GPAT2: variants seen among roughly 807,000 people sequenced by gnomAD.
The protein encoded by GPAT2 is 1-acylglycerol-3-phosphate O-acyltransferase GPAT2.
Under a neutral mutation model 71.0 loss-of-function variants are expected in GPAT2, and 51 were observed. The observed-to-expected ratio is 0.72, with a 90% CI of 0.57 to 0.91. GPAT2 has a LOEUF of 0.91. GPAT2 is among the 40% of genes least tolerant of loss of function. The pLI, the probability that GPAT2 is intolerant of heterozygous loss-of-function variation, is 0.00. For missense variants in GPAT2, 511 were observed against 666.0 expected (o/e 0.77, Z 2.56); for synonymous variants, 222 against 290.3 (o/e 0.76, Z 2.39).
chr2:96,022,061 G>A lies in GPAT2; in HGVS notation c.*98C>T, dbSNP rs181750299. 834 of 1,502,990 alleles carry A rather than the reference G, an allele frequency of 5.5e-4. 4 individuals carry two copies. In the African/African-American group the frequency reaches 0.011, roughly 20 times the overall value. 93.1% of individuals were successfully genotyped at this position (1,502,990 alleles called of 1,614,324 possible). ...AAGCCTCAATGATTATATTTATAGA[G>A]CAGCTAAGGGTTTGCAGCCTCCTCT... is the stretch of plus-strand genomic sequence containing the variant. On this transcript the variant is annotated 3_prime_UTR_variant, in exon 22 of 22. Transcript: ENST00000434632.
At position 96,024,656 on chromosome 2, in the gene GPAT2, C is replaced by A. The variant is rs559426994; in HGVS notation, c.1458G>T (p.Glu486Asp). The A allele has an allele frequency of 6.2e-7, 1 of 1,613,922 alleles. No individual in the cohort carries two copies. The highest frequency in any genetic ancestry group is 1.1e-5 in the South Asian group (1 of 91,082). ...KGVFLSQLLGEFSWLTEEILL... is the reference protein window; with the variant it reads ...KGVFLSQLLGDFSWLTEEILL... ...GTATCTCCTCCGTCAGCCAGGAGAA[C>A]TCCCCCAGGAGCTGCGACAGGAACA... Residue 486 changes from glutamate (E) to aspartate (D), a missense_variant, in exon 15 of 22, where the codon GAG (glutamate) becomes GAT (aspartate). Glu to Asp is a conservative substitution (Grantham distance 45). Around this residue, in one of 7 missense-constraint regions of GPAT2, gnomAD observed 295 missense variants for 305.5 expected, o/e 0.97. Transcript: ENST00000434632.
Position 96,023,144 on chromosome 2 carries a change from G to T in GPAT2, c.2129C>A (p.Ala710Asp). 6.2e-7 allele frequency: 1 copy of T among 1,609,074 alleles called. No individual in the cohort carries two copies. Among genetic ancestry groups the T allele is most frequent in the Non-Finnish European group, 8.5e-7 (1 of 1,177,370 alleles). The change falls in exon 19 of 22, where the codon GCT becomes GAT. Residue 710 changes from alanine (A) to aspartate (D), a missense_variant. This residue lies in a region of GPAT2 where 108 missense variants were observed against 117.6 expected (regional missense o/e 0.92). Coordinates refer to ENST00000434632, the MANE Select transcript of GPAT2 (RefSeq NM_001321527.2). Reference protein sequence around the residue: ...LSPLLKAFAQAAAFLRQGQLP... With the variant: ...LSPLLKAFAQDAAFLRQGQLP... The stretch of plus-strand genomic sequence containing the variant: ...CTGGCCCTGGCGGAGGAAGGCGGCA[G>T]CCTGTGCAAAGGCCTTGAGCAGCGG...
At chr2:96,023,837 G>A in intron 17 of GPAT2, 86 bp downstream of exon 17, 5 of 1,531,386 alleles carry the variant, frequency 3.3e-6, no homozygotes, top group Non-Finnish European at 3.5e-6. Context: ...GGCAGAGGAG[G>A]AGCCTGGGGC....
At chr2:96,025,327 G>A (rs1680277650) in intron 13 of GPAT2, 158 bp downstream of exon 13, 1 of 1,015,438 alleles carries the variant, frequency 9.8e-7, no homozygotes, top group African/African-American at 1.6e-5. Flanking sequence ...TGCTCCTCCT[G>A]TAGGAGAAGG....
Position 96,024,524 on chromosome 2 carries a change from A to C in GPAT2, c.1590T>G (p.Gly530=). 6.2e-7 allele frequency: 1 copy of C among 1,613,850 alleles called. No individual in the cohort carries two copies. Among genetic ancestry groups the C allele is most frequent in the Non-Finnish European group, 8.5e-7 (1 of 1,179,954 alleles). ...AHVALLRIRQ[G]DLLVVPQPGP... is the part of the protein sequence containing the mutation. ...CAGGCTGCGGCACCACCAGCAAGTCACCCTGACGGATGCGCAGCAGGGCCA... is the reference window on the plus strand; with the variant it reads ...CAGGCTGCGGCACCACCAGCAAGTCCCCCTGACGGATGCGCAGCAGGGCCA... The change falls in exon 15 of 22, where the codon GGT becomes GGG. Residue 530 remains glycine, a synonymous_variant. Coordinates refer to ENST00000434632, the MANE Select transcript of GPAT2 (RefSeq NM_001321527.2).
chr2:96,025,902 C>A (rs776364233), intron 12 of GPAT2, 28 bp downstream of exon 12: 1 of 1,608,156 alleles, frequency 6.2e-7, no homozygotes, highest in East Asian at 2.2e-5. Context: ...GCCTTGCCCC[C>A]TGAGACCCCA....
chr2:96,024,987 C>T (rs1238022406), intron 13 of GPAT2, 144 bp from the exon 14 acceptor site: 1 of 950,300 alleles, frequency 1.1e-6, no homozygotes, highest in African/African-American at 1.6e-5. Flanking sequence ...TGGTGTTTAT[C>T]ATCACACAGG....
intron 10 of GPAT2, 121 bp downstream of exon 10, chr2:96,026,576 A>G (rs1680436645): frequency 1.7e-5 from 3 of 179,284 alleles, no homozygotes; most frequent in African/African-American, 1.1e-4. Flanking sequence ...TGTAAGGACG[A>G]TTCCTTTGTG....
chr2:96,025,627 G>A, intron 12 of GPAT2, 24 bp from the exon 13 acceptor site: 2 of 1,528,550 alleles, frequency 1.3e-6, no homozygotes, highest in Non-Finnish European at 1.8e-6. Flanking sequence ...ACAGATTACA[G>A]GATGAAGGGT....
chr2:96,033,990 T>C (rs1680850879), intron 1 of GPAT2, among the ~76,000 whole-genome samples: 1 of 151,662 alleles, frequency 6.6e-6, no homozygotes, highest in African/African-American at 2.4e-5. Context: ...TATATACATA[T>C]ATAATACATA....
rs186661249 is a variant in GPAT2, at chr2:96,024,697, G to C, written c.1429-12C>G. The C allele has an allele frequency of 1.9e-6, 3 of 1,613,622 alleles. No individual in the cohort carries two copies. The highest frequency in any genetic ancestry group is 2.5e-6 in the Non-Finnish European group (3 of 1,179,876). On this transcript the variant is annotated splice_polypyrimidine_tract_variant and intron_variant, in intron 14 of 21. Transcript: ENST00000434632. ...GACAGGAACACACCCTGGGTGGGCA[G>C]AGCAGGGCTAGGCAGCAGGGCCACA...
Position 96,024,478 on chromosome 2 carries a change from C to T in GPAT2, c.1636G>A (p.Ala546Thr), listed in dbSNP as rs754360226. The T allele has an allele frequency of 1.2e-6, 2 of 1,614,024 alleles. No individual in the cohort carries two copies. The highest frequency in any genetic ancestry group is 1.7e-6 in the Non-Finnish European group (2 of 1,179,972). ...GGCAGCAGCTCAGCACTCAGTTGTG[C>T]CAGGTGTGTGAGGCCTGGGCCAGGC... ...PQPGPGLTHL[A>T]QLSAELLPVF... Residue 546 changes from alanine to threonine, a missense_variant, in exon 15 of 22, where the codon GCA becomes ACA. Coordinates refer to ENST00000434632, the MANE Select transcript of GPAT2 (RefSeq NM_001321527.2).
At chr2:96,025,665 C>A in intron 12 of GPAT2, 62 bp from the exon 13 acceptor site, 3 of 1,334,714 alleles carry the variant, frequency 2.2e-6, no homozygotes, top group Non-Finnish European at 3.1e-6. Flanking sequence ...TGTGGGAATG[C>A]CTAGAGCTTT....
intron 11 of GPAT2, 50 bp downstream of exon 11, chr2:96,026,133 C>G: frequency 6.3e-7 from 1 of 1,580,272 alleles, no homozygotes; most frequent in South Asian, 1.2e-5. Context: ...GCCAGGATGC[C>G]TAGGACAGAC....
At position 96,025,917 on chromosome 2, in the gene GPAT2, C is replaced by A; in HGVS notation, c.1238+13G>T. The stretch of plus-strand genomic sequence containing the variant: ...GCCTTGCCCCCTGAGACCCCACGCT[C>A]CTGTGCCCCTACCATTGGCCCAGCA... On this transcript the variant is annotated intron_variant, in intron 12 of 21. Transcript: ENST00000434632. The A allele has an allele frequency of 6.2e-7, 1 of 1,611,596 alleles. No individual in the cohort carries two copies. Among genetic ancestry groups the A allele is most frequent in the Non-Finnish European group, 8.5e-7 (1 of 1,179,392 alleles).
intron 17 of GPAT2, 61 bp from the exon 18 acceptor site, chr2:96,023,501 A>C (rs1318330494): frequency 2.6e-5 from 41 of 1,573,472 alleles, no homozygotes; most frequent in Non-Finnish European, 4.4e-6. Context: ...CTACACCCCC[A>C]GACCAGGTAC....
Position 96,022,070 on chromosome 2 carries a change from G to A in GPAT2, c.*89C>T, listed in dbSNP as rs1033347844. ...TGATTATATTTATAGAGCAGCTAAGGGTTTGCAGCCTCCTCTCCATCTTCT... is the reference window on the plus strand; with the variant it reads ...TGATTATATTTATAGAGCAGCTAAGAGTTTGCAGCCTCCTCTCCATCTTCT... On this transcript the variant is annotated 3_prime_UTR_variant, in exon 22 of 22. Coordinates refer to ENST00000434632, the MANE Select transcript of GPAT2 (RefSeq NM_001321527.2). 3.3e-6 allele frequency: 5 copies of A among 1,528,080 alleles called. No individual in the cohort carries two copies. The highest frequency in any genetic ancestry group is 2.5e-5 in the South Asian group (2 of 80,398). 94.7% of individuals were successfully genotyped at this position (1,528,080 alleles called of 1,614,324 possible).
At chr2:96,025,165 T>C (rs923340164) in intron 13 of GPAT2, 23 of 567,210 alleles carry the variant, frequency 4.1e-5, no homozygotes, top group Non-Finnish European at 6.6e-5. Context: ...ATCATTCCAT[T>C]CAGTTAACAC....
At position 96,023,355 on chromosome 2, in the gene GPAT2, T is replaced by A; in HGVS notation, c.2000A>T (p.Asp667Val). ...CTCTCCGAAGTCATCACTGTCACTA[T>A]CAGTAAAGTCCCCACTCGGTTTCCA... ...LLWKPSGDFT[D>V]SDSDDFGEAD... Residue 667 changes from aspartate to valine, a missense_variant, in exon 18 of 22, where the codon GAT becomes GTT. This residue lies in a region of GPAT2 where 295 missense variants were observed against 305.5 expected (regional missense o/e 0.97). Transcript: ENST00000434632. The A allele has an allele frequency of 6.2e-7, 1 of 1,614,198 alleles. No individual in the cohort carries two copies. The highest frequency in any genetic ancestry group is 8.5e-7 in the Non-Finnish European group (1 of 1,180,018).
Sources: allele counts gnomAD v4.1 joint callset (sites outside exome capture counted in the v4.1 genomes callset), GRCh38; gene constraint gnomAD v4.1.1; regional missense constraint gnomAD v4.1.1; transcripts MANE v1.5; gene names NCBI Gene and HGNC (gene_info 2026-07-23, HGNC 2026-07-21).